Variants in ABTB3 observed in about 807,000 individuals in gnomAD.
ABTB3 encodes ankyrin repeat- and BTB/POZ domain-containing protein 3.
chr12:107,470,010 T>TTCTTTCTTTCTC, the ABTB3 span, among the ~76,000 whole-genome samples: 1 of 57,124 alleles, frequency 1.8e-5, no homozygotes, highest in Non-Finnish European at 3.4e-5. Flanking sequence ...CTTTCTTTCT[T>TTCTTTCTTTCTC]TCTCTCTCTC....
At chr12:107,419,054 T>A in the ABTB3 span, among the ~76,000 whole-genome samples, 5 of 152,248 alleles carry the variant, frequency 3.3e-5, no homozygotes, top group Non-Finnish European at 5.9e-5. Flanking sequence ...TGAGAATGCT[T>A]GCTCTTGGAG....
the ABTB3 span, among the ~76,000 whole-genome samples, chr12:107,334,379 C>G: frequency 6.6e-6 from 1 of 152,112 alleles, no homozygotes; most frequent in Non-Finnish European, 1.5e-5. Context: ...CACCAAGCTC[C>G]TGTTGATACG....
At chr12:107,640,375 T>G in the ABTB3 span, 3 of 1,600,714 alleles carry the variant, frequency 1.9e-6, no homozygotes, top group Non-Finnish European at 2.6e-6. Flanking sequence ...GAAGACCATT[T>G]TATGCTCACA....
the ABTB3 span, among the ~76,000 whole-genome samples, chr12:107,375,055 A>T: frequency 6.6e-6 from 1 of 152,118 alleles, no homozygotes; most frequent in East Asian, 1.9e-4. Flanking sequence ...TAGCAAGCAG[A>T]TTCCTGGACT....
the ABTB3 span, among the ~76,000 whole-genome samples, chr12:107,472,115 G>A: frequency 6.6e-6 from 1 of 152,138 alleles, no homozygotes; most frequent in Non-Finnish European, 1.5e-5. Flanking sequence ...GTACATGTCT[G>A]GGGTGACAGA....
the ABTB3 span, among the ~76,000 whole-genome samples, chr12:107,530,718 T>C: frequency 3.3e-5 from 5 of 152,258 alleles, no homozygotes; most frequent in Non-Finnish European, 2.9e-5. Flanking sequence ...CATGTGGATG[T>C]ACTAGAGTTT....
chr12:107,536,776 G>A, the ABTB3 span, among the ~76,000 whole-genome samples: 298 of 152,294 alleles, frequency 2.0e-3, 1 homozygote, highest in Non-Finnish European at 3.1e-3. Context: ...CACACTATTA[G>A]TGGGAATGTA....
At chr12:107,320,223 A>G in the ABTB3 span, 1 of 1,286,206 alleles carries the variant, frequency 7.8e-7, no homozygotes, top group African/African-American at 1.5e-5. Context: ...GGTAGCCAGA[A>G]CAAGAGGTTG....
the ABTB3 span, among the ~76,000 whole-genome samples, chr12:107,502,629 C>T: frequency 9.2e-5 from 14 of 152,162 alleles, no homozygotes; most frequent in Non-Finnish European, 1.6e-4. Context: ...AGGTCTGTGG[C>T]CTGTTAGGAA....
the ABTB3 span, among the ~76,000 whole-genome samples, chr12:107,542,743 T>C: frequency 6.6e-6 from 1 of 152,212 alleles, no homozygotes; most frequent in Non-Finnish European, 1.5e-5. Flanking sequence ...TTTTATGTTA[T>C]ATTCTTATAT....
chr12:107,523,791 C>G, the ABTB3 span, among the ~76,000 whole-genome samples: 1 of 152,196 alleles, frequency 6.6e-6, no homozygotes, highest in African/African-American at 2.4e-5. Flanking sequence ...AACTGCCACA[C>G]ATATGGGACT....
the ABTB3 span, among the ~76,000 whole-genome samples, chr12:107,416,612 G>A: frequency 6.6e-6 from 1 of 152,064 alleles, no homozygotes; most frequent in Non-Finnish European, 1.5e-5. Flanking sequence ...TGGTTGTCTG[G>A]CCCTGTCGGT....
chr12:107,542,070 G>C, the ABTB3 span, among the ~76,000 whole-genome samples: 1 of 152,118 alleles, frequency 6.6e-6, no homozygotes, highest in Non-Finnish European at 1.5e-5. Flanking sequence ...AGTACTTTGG[G>C]AGGCCAAGGC....
chr12:107,365,119 G>A, the ABTB3 span, among the ~76,000 whole-genome samples: 1 of 152,182 alleles, frequency 6.6e-6, no homozygotes, highest in Non-Finnish European at 1.5e-5. Flanking sequence ...CCTTGACCAG[G>A]TTATTGAACC....
chr12:107,467,541 G>C, the ABTB3 span, among the ~76,000 whole-genome samples: 1 of 152,064 alleles, frequency 6.6e-6, no homozygotes, highest in Non-Finnish European at 1.5e-5. Context: ...AAGCCACTTC[G>C]AGACCCGCTT....
At chr12:107,376,694 T>C in the ABTB3 span, among the ~76,000 whole-genome samples, 2 of 152,198 alleles carry the variant, frequency 1.3e-5, no homozygotes, top group Non-Finnish European at 2.9e-5. Flanking sequence ...AAACAAGTAC[T>C]ACTGCTGTGG....
At chr12:107,413,178 G>T in the ABTB3 span, among the ~76,000 whole-genome samples, 1 of 152,162 alleles carries the variant, frequency 6.6e-6, no homozygotes, top group African/African-American at 2.4e-5. Context: ...GGAGGCTGAG[G>T]CAGGAGAATG....
At chr12:107,398,806 T>C in the ABTB3 span, among the ~76,000 whole-genome samples, 2 of 152,246 alleles carry the variant, frequency 1.3e-5, no homozygotes, top group Non-Finnish European at 2.9e-5. Context: ...AATTGCTGTG[T>C]GCCATTTACA....
chr12:107,544,801 G>T, the ABTB3 span, among the ~76,000 whole-genome samples: 10 of 152,330 alleles, frequency 6.6e-5, no homozygotes, highest in Admixed American at 4.6e-4. Flanking sequence ...ATCAAAAAGA[G>T]AGGTTAAGAG....
Sources: allele counts gnomAD v4.1 joint callset (sites outside exome capture counted in the v4.1 genomes callset), GRCh38; gene constraint gnomAD v4.1.1; transcripts MANE v1.5; gene names NCBI Gene and HGNC (gene_info 2026-07-23, HGNC 2026-07-21).